EEFSEC: variants seen among roughly 807,000 people sequenced by gnomAD.
EEFSEC encodes selenocysteine-specific elongation factor.
EEFSEC carries 43 observed loss-of-function variants against 42.1 expected under a neutral mutation model. The observed-to-expected ratio is 1.02, with a 90% CI of 0.80 to 1.32. The LOEUF (loss-of-function observed/expected upper bound fraction) is 1.32, where lower values mean the gene tolerates loss of function less well. Among genes scored for constraint, EEFSEC ranks in the 40% most tolerant of loss-of-function variants. EEFSEC has a pLI of 0.00. For synonymous variants in EEFSEC, 354 were observed against 339.1 expected (o/e 1.04, Z -0.48); for missense variants, 745 against 803.6 (o/e 0.93, Z 0.88).
chr3:128,201,834 G>C (rs2065646764), intron 1 of EEFSEC, among the ~76,000 whole-genome samples: 1 of 152,198 alleles, frequency 6.6e-6, no homozygotes, highest in Non-Finnish European at 1.5e-5. Context: ...AATGACATTA[G>C]CGTTTGCATT....
chr3:128,400,779 A>G (rs2068039878), intron 6 of EEFSEC, among the ~76,000 whole-genome samples: 1 of 152,232 alleles, frequency 6.6e-6, no homozygotes, highest in Admixed American at 6.5e-5. Context: ...GGGCGGCACC[A>G]TGGCTAGGGC....
chr3:128,261,085 A>G (rs2066292356), intron 2 of EEFSEC, among the ~76,000 whole-genome samples: 1 of 152,234 alleles, frequency 6.6e-6, no homozygotes, highest in Non-Finnish European at 1.5e-5. Context: ...AAGCATGTAA[A>G]TTCTGGGTCG....
chr3:128,264,788 C>A lies in EEFSEC; in HGVS notation c.786+7C>A. 1 of 1,611,774 alleles carries A rather than the reference C, an allele frequency of 6.2e-7. No homozygotes were observed. Among genetic ancestry groups the A allele is most frequent in the Non-Finnish European group, 8.5e-7 (1 of 1,178,352 alleles). On this transcript the variant is annotated splice_region_variant and intron_variant, in intron 4 of 6. Transcript: ENST00000254730. Reference sequence around the variant, plus strand: ...GGAGATCCCTGCCCTCAAGGTCAGTCTTACCTTGTCTTCCCTTCTGGCCTC... The same window carrying A: ...GGAGATCCCTGCCCTCAAGGTCAGTATTACCTTGTCTTCCCTTCTGGCCTC...
chr3:128,302,174 T>G (rs1013790707), intron 4 of EEFSEC, among the ~76,000 whole-genome samples: 1 of 152,166 alleles, frequency 6.6e-6, no homozygotes, highest in African/African-American at 2.4e-5. Context: ...GTCGGGGGTA[T>G]GGGGCTGGGA....
At chr3:128,282,238 A>T (rs2066534338) in intron 4 of EEFSEC, among the ~76,000 whole-genome samples, 1 of 152,178 alleles carries the variant, frequency 6.6e-6, no homozygotes, top group African/African-American at 2.4e-5. Context: ...GGTGGTGGGA[A>T]GTGGGTGGCT....
At chr3:128,236,367 A>G (rs1347761751) in intron 1 of EEFSEC, among the ~76,000 whole-genome samples, 4 of 152,092 alleles carry the variant, frequency 2.6e-5, no homozygotes, top group South Asian at 2.1e-4. Context: ...CTAGCTCCCT[A>G]TCTTTCTAGT....
At chr3:128,387,081 GGCGCGTGGGCAGCTCCCTCA>G (rs1440967421) in intron 6 of EEFSEC, among the ~76,000 whole-genome samples, 1 of 152,226 alleles carries the variant, frequency 6.6e-6, no homozygotes, top group Non-Finnish European at 1.5e-5. Context: ...CTTGCCTGGT[GGCGCGTGGGCAGCTCCCTCA>G]GGGCTGGCAA....
At chr3:128,218,200 G>A (rs2065828616) in intron 1 of EEFSEC, among the ~76,000 whole-genome samples, 1 of 152,048 alleles carries the variant, frequency 6.6e-6, no homozygotes, top group Admixed American at 6.5e-5. Context: ...GGGGAAAAAT[G>A]AAAGAAAAAA....
At chr3:128,159,340 T>C (rs1436553638) in intron 1 of EEFSEC, among the ~76,000 whole-genome samples, 1 of 152,232 alleles carries the variant, frequency 6.6e-6, no homozygotes, top group Admixed American at 6.5e-5. Flanking sequence ...GTCCACAAAC[T>C]TGTGGGCATC....
At chr3:128,351,664 G>GAC (rs986073013) in intron 5 of EEFSEC, among the ~76,000 whole-genome samples, 6 of 152,192 alleles carry the variant, frequency 3.9e-5, no homozygotes, top group African/African-American at 1.2e-4. Flanking sequence ...CTGAAAGAGG[G>GAC]ACACACACAC....
In EEFSEC at chr3:128,369,583, G is replaced by A. The variant is rs536527735; in HGVS notation, c.1600+11210G>A. 2.6e-5 allele frequency among the ~76,000 whole-genome samples: 4 copies of A among 152,350 alleles called. No individual in the cohort carries two copies. In the South Asian group the frequency reaches 8.3e-4, roughly 32 times the overall value. Reference sequence around the variant, plus strand: ...ACTTGGCATTTTCAGCCCACACTGGGATGTGGGTAGCAGGGTACCTTCAAA... The same window carrying A: ...ACTTGGCATTTTCAGCCCACACTGGAATGTGGGTAGCAGGGTACCTTCAAA... On this transcript the variant is annotated intron_variant, in intron 6 of 6. Transcript: ENST00000254730.
At chr3:128,244,638 G>A (rs981728413) in intron 1 of EEFSEC, among the ~76,000 whole-genome samples, 3 of 152,190 alleles carry the variant, frequency 2.0e-5, no homozygotes, top group Admixed American at 2.0e-4. Context: ...ACCGAAGAAT[G>A]TACAGAGAAT....
At chr3:128,359,888 G>A (rs970831498) in intron 6 of EEFSEC, among the ~76,000 whole-genome samples, 7 of 152,140 alleles carry the variant, frequency 4.6e-5, no homozygotes, top group South Asian at 2.1e-4. Context: ...AGCTGCCTCC[G>A]TGCTCACAGG....
At chr3:128,315,841 C>T (rs2066939329) in intron 4 of EEFSEC, among the ~76,000 whole-genome samples, 2 of 152,272 alleles carry the variant, frequency 1.3e-5, no homozygotes, top group East Asian at 3.9e-4. Flanking sequence ...ATATGTTATA[C>T]ATTTGTATAG....
At chr3:128,228,843 C>T (rs1191065300) in intron 1 of EEFSEC, among the ~76,000 whole-genome samples, 4 of 152,088 alleles carry the variant, frequency 2.6e-5, no homozygotes, top group South Asian at 2.1e-4. Flanking sequence ...GCACTTAGAA[C>T]GGAGCCTAGT....
intron 4 of EEFSEC, among the ~76,000 whole-genome samples, chr3:128,293,676 A>AGAC (rs1559906639): frequency 6.7e-6 from 1 of 149,586 alleles, no homozygotes; most frequent in Non-Finnish European, 1.5e-5. Flanking sequence ...AAAAAAAAAA[A>AGAC]AAAAAAAAAA....
chr3:128,365,165 C>G lies in EEFSEC; in HGVS notation c.1600+6792C>G, dbSNP rs539551131. Among the ~76,000 whole-genome samples, 5 of 152,366 alleles carry G rather than the reference C, an allele frequency of 3.3e-5. No individual in the cohort carries two copies. In the South Asian group the frequency reaches 1.0e-3, roughly 32 times the overall value. On this transcript the variant is annotated intron_variant, in intron 6 of 6. Transcript: ENST00000254730. Reference sequence around the variant, plus strand: ...CCTCATCACAATTTATTGGGCCCTCCGTGTACAGACCTGTCTAGGTGCTGG... The same window carrying G: ...CCTCATCACAATTTATTGGGCCCTCGGTGTACAGACCTGTCTAGGTGCTGG...
At position 128,408,237 on chromosome 3, in the gene EEFSEC, A is replaced by G. The variant is rs775538352; in HGVS notation, c.1769A>G (p.Lys590Arg). The G allele has an allele frequency of 1.9e-6, 3 of 1,605,604 alleles. No individual in the cohort carries two copies. Among genetic ancestry groups the G allele is most frequent in the East Asian group, 2.3e-5 (1 of 44,158 alleles). ...TFKRYVFDTH[K>R]RMVQSP is the part of the protein sequence containing the mutation. ...AAGCGTTATGTCTTCGACACCCACAAGCGCATGGTTCAGTCTCCCTGAGTG... is the reference window on the plus strand; with the variant it reads ...AAGCGTTATGTCTTCGACACCCACAGGCGCATGGTTCAGTCTCCCTGAGTG... Residue 590 changes from lysine to arginine, a missense_variant, in exon 7 of 7, where the codon AAG becomes AGG. Coordinates refer to ENST00000254730, the MANE Select transcript of EEFSEC (RefSeq NM_021937.5).
At chr3:128,401,954 A>G (rs2068052802) in intron 6 of EEFSEC, among the ~76,000 whole-genome samples, 1 of 152,144 alleles carries the variant, frequency 6.6e-6, no homozygotes, top group African/African-American at 2.4e-5. Context: ...AGACAGCACC[A>G]TGGGCCTAGA....
Sources: gnomAD v4.1 joint callset for allele counts (sites outside exome capture counted in the v4.1 genomes callset) on GRCh38, gnomAD v4.1.1 for gene constraint, MANE v1.5 for transcripts, NCBI Gene and HGNC (gene_info 2026-07-23, HGNC 2026-07-21) for gene names.